Variants in CNTN5 observed in about 807,000 individuals in gnomAD.
CNTN5 encodes contactin-5.
Under a neutral mutation model 129.1 loss-of-function variants are expected in CNTN5, and 77 were observed. The ratio of observed to expected loss-of-function variants is 0.60; its 90% CI spans 0.50 to 0.72. The LOEUF is 0.72. Among genes scored for constraint, CNTN5 ranks in the 30% least tolerant of loss-of-function variants. The pLI is 0.00. For missense variants in CNTN5, 1,478 were observed against 1,328.8 expected (o/e 1.11, Z -1.75); for synonymous variants, 509 against 465.6 (o/e 1.09, Z -1.20).
At chr11:99,213,350 ATATATGTGTATATATGTATATATG>A (rs1351650937) in intron 1 of CNTN5, among the ~76,000 whole-genome samples, 13 of 116,156 alleles carry the variant, frequency 1.1e-4, no homozygotes, top group African/African-American at 3.7e-4. Context: ...ATAAAATATT[ATATATGTGTATATATGTATATATG>A]TATATACATA....
chr11:99,386,823 G>A (rs1940953376), intron 2 of CNTN5, among the ~76,000 whole-genome samples: 2 of 152,162 alleles, frequency 1.3e-5, no homozygotes, highest in Non-Finnish European at 2.9e-5. Context: ...TAGGGAAACA[G>A]AGGATGACTA....
intron 1 of CNTN5, among the ~76,000 whole-genome samples, chr11:99,214,569 A>G (rs966818529): frequency 1.3e-5 from 2 of 151,672 alleles, no homozygotes; most frequent in Non-Finnish European, 2.9e-5. Context: ...CTTCAATTTC[A>G]TTGTTAAGAT....
At chr11:99,885,408 G>A (rs71474542) in intron 6 of CNTN5, among the ~76,000 whole-genome samples, 11 of 152,264 alleles carry the variant, frequency 7.2e-5, no homozygotes, top group Middle Eastern at 3.4e-3. Flanking sequence ...ACACAACTTG[G>A]TGATAAAGTC....
chr11:99,397,352 T>C (rs1474788246), intron 2 of CNTN5, among the ~76,000 whole-genome samples: 1 of 151,768 alleles, frequency 6.6e-6, no homozygotes, highest in Non-Finnish European at 1.5e-5. Context: ...TTTTTCTATG[T>C]AACTACTCTT....
intron 3 of CNTN5, among the ~76,000 whole-genome samples, chr11:99,574,826 T>C (rs1319353856): frequency 1.3e-5 from 2 of 152,168 alleles, no homozygotes; most frequent in African/African-American, 4.8e-5. Context: ...CTTTGCCAGA[T>C]GGATAGATTG....
intron 1 of CNTN5, among the ~76,000 whole-genome samples, chr11:99,146,126 A>G (rs941880819): frequency 6.6e-6 from 1 of 152,126 alleles, no homozygotes; most frequent in African/African-American, 2.4e-5. Context: ...TTAAACCAGC[A>G]ATTATTGTCA....
chr11:99,428,271 G>T (rs1008616242), intron 2 of CNTN5, among the ~76,000 whole-genome samples: 15 of 151,520 alleles, frequency 9.9e-5, no homozygotes, highest in East Asian at 7.7e-4. Flanking sequence ...GAAAAAAAAG[G>T]CTTTACAGCT....
Position 99,106,497 on chromosome 11 carries a change from TC to T in CNTN5, c.-210+85229del, listed in dbSNP as rs567641293. Reference sequence around the variant, plus strand: ...TGGAGAATATTAAATGGAATGTAGTTCCTATAATTATTTTCTTAAGAGTGAT... The same window carrying T: ...TGGAGAATATTAAATGGAATGTAGTTCTATAATTATTTTCTTAAGAGTGAT... On this transcript the variant is annotated intron_variant, in intron 1 of 24. Coordinates refer to ENST00000524871, the MANE Select transcript of CNTN5 (RefSeq NM_014361.4). 2.3e-3 allele frequency among the ~76,000 whole-genome samples: 346 copies of T among 152,126 alleles called. 1 individual carries two copies. Among genetic ancestry groups the T allele is most frequent in the African/African-American group, 7.8e-3 (323 of 41,570 alleles).
chr11:100,150,433 T>G (rs1325692823), intron 13 of CNTN5, among the ~76,000 whole-genome samples: 1 of 152,128 alleles, frequency 6.6e-6, no homozygotes, highest in South Asian at 2.1e-4. Flanking sequence ...TATGGCCATA[T>G]GTTCAATTTT....
chr11:99,813,463 A>C (rs1230864094), intron 3 of CNTN5, among the ~76,000 whole-genome samples: 1 of 152,174 alleles, frequency 6.6e-6, no homozygotes, highest in Non-Finnish European at 1.5e-5. Flanking sequence ...ATCTGAAGCA[A>C]AACCACAAAA....
chr11:99,381,079 T>G (rs995600264), intron 2 of CNTN5, among the ~76,000 whole-genome samples: 6 of 152,118 alleles, frequency 3.9e-5, no homozygotes, highest in African/African-American at 1.4e-4. Context: ...ATCAGTATGG[T>G]GCCCAAGTTT....
At chr11:99,544,173 A>T (rs1948210690) in intron 2 of CNTN5, among the ~76,000 whole-genome samples, 1 of 152,118 alleles carries the variant, frequency 6.6e-6, no homozygotes, top group Non-Finnish European at 1.5e-5. Flanking sequence ...GTGAAGCAGG[A>T]CCAAGAGGAT....
At chr11:99,681,428 A>G (rs1258754107) in intron 3 of CNTN5, among the ~76,000 whole-genome samples, 2 of 152,102 alleles carry the variant, frequency 1.3e-5, no homozygotes, top group African/African-American at 4.8e-5. Context: ...TTGTTCAGCA[A>G]CCGTGAACCT....
At chr11:99,583,851 C>T (rs966351817) in intron 3 of CNTN5, among the ~76,000 whole-genome samples, 1 of 152,100 alleles carries the variant, frequency 6.6e-6, no homozygotes, top group Non-Finnish European at 1.5e-5. Flanking sequence ...CTGTCTTGCA[C>T]TCCCCAGTGA....
intron 3 of CNTN5, among the ~76,000 whole-genome samples, chr11:99,807,859 G>A (rs1946319281): frequency 6.6e-6 from 1 of 152,110 alleles, no homozygotes; most frequent in Non-Finnish European, 1.5e-5. Context: ...GATCAGAGAT[G>A]ATTTTGTTCT....
At chr11:99,394,349 A>G (rs1343043120) in intron 2 of CNTN5, among the ~76,000 whole-genome samples, 2 of 151,630 alleles carry the variant, frequency 1.3e-5, no homozygotes, top group African/African-American at 4.8e-5. Flanking sequence ...TCTTTGTAAC[A>G]TTACAACAAA....
At chr11:100,328,611 C>T (rs544872773) in intron 21 of CNTN5, among the ~76,000 whole-genome samples, 11 of 151,972 alleles carry the variant, frequency 7.2e-5, no homozygotes, top group African/African-American at 7.3e-5. Context: ...CCACATCTCC[C>T]GAGAACTTAT....
At chr11:99,251,793 A>G (rs1862118907) in intron 1 of CNTN5, among the ~76,000 whole-genome samples, 1 of 152,040 alleles carries the variant, frequency 6.6e-6, no homozygotes, top group South Asian at 2.1e-4. Context: ...TTTTCCATAC[A>G]ACGCCTAAGT....
intron 3 of CNTN5, among the ~76,000 whole-genome samples, chr11:99,803,852 T>C (rs1400544918): frequency 6.6e-6 from 1 of 152,210 alleles, no homozygotes; most frequent in Non-Finnish European, 1.5e-5. Context: ...TTCACTTTTC[T>C]GGTGGATTTC....
Sources: gnomAD v4.1 joint callset for allele counts (sites outside exome capture counted in the v4.1 genomes callset) on GRCh38, gnomAD v4.1.1 for gene constraint, MANE v1.5 for transcripts, NCBI Gene and HGNC (gene_info 2026-07-23, HGNC 2026-07-21) for gene names.